SCN3A: variants seen among roughly 807,000 people sequenced by gnomAD.
SCN3A encodes the protein sodium channel protein type 3 subunit alpha.
SCN3A carries 60 observed loss-of-function variants against 187.6 expected under a neutral mutation model. That is an observed-to-expected ratio of 0.32 (90% CI 0.26 to 0.40). SCN3A has a LOEUF of 0.40. Among genes scored for constraint, SCN3A ranks in the 10% least tolerant of loss-of-function variants. SCN3A has a pLI of 1.00. For missense variants in SCN3A, 1,601 were observed against 2,428.2 expected, an observed-to-expected ratio of 0.66 and a Z score of 7.16; for synonymous variants, 788 against 829.2, an observed-to-expected ratio of 0.95 and a Z score of 0.85.
intron 27 of SCN3A, 56 bp from the exon 28 acceptor site, chr2:165,091,401 CT>C: frequency 6.2e-7 from 1 of 1,605,344 alleles, no homozygotes; most frequent in Non-Finnish European, 8.5e-7. Flanking sequence ...TACATGATGG[CT>C]TTATCTTTTT....
In SCN3A at chr2:165,131,234, A is replaced by G. The variant is rs1574168381; in HGVS notation, c.2565+10T>C. On this transcript the variant is annotated intron_variant, in intron 16 of 27. Coordinates refer to ENST00000283254, the MANE Select transcript of SCN3A (RefSeq NM_006922.4). ...GCCAATGAGCGACAGGGATATATATAAATAGATACCAGTCTGAATGATCGC... is the reference window on the plus strand; with the variant it reads ...GCCAATGAGCGACAGGGATATATATGAATAGATACCAGTCTGAATGATCGC... The G allele has an allele frequency of 5.1e-6, 8 of 1,564,536 alleles. No individual in the cohort carries two copies. The East Asian group carries it at 1.8e-4, about 36-fold the overall frequency.
chr2:165,151,119 T>C (rs1448789275), intron 11 of SCN3A, among the ~76,000 whole-genome samples: 1 of 152,152 alleles, frequency 6.6e-6, no homozygotes, highest in African/African-American at 2.4e-5. Context: ...CTGTATCCAA[T>C]GGTAAGATGA....
chr2:165,161,068 G>A (rs1465056551), intron 9 of SCN3A, among the ~76,000 whole-genome samples: 1 of 150,008 alleles, frequency 6.7e-6, no homozygotes, highest in African/African-American at 2.5e-5. Flanking sequence ...GACTACACGT[G>A]TGCATCACAA....
intron 21 of SCN3A, among the ~76,000 whole-genome samples, chr2:165,112,264 A>G (rs1430157226): frequency 6.6e-6 from 1 of 152,218 alleles, no homozygotes; most frequent in East Asian, 1.9e-4. Flanking sequence ...TGTTCCTATG[A>G]CTACTCACCC....
chr2:165,088,977 C>T lies in SCN3A; in HGVS notation c.*1173G>A, dbSNP rs1684956800. 1 of 152,488 alleles carries T rather than the reference C, an allele frequency of 6.6e-6. No homozygotes were observed. Among genetic ancestry groups the T allele is most frequent in the Non-Finnish European group, 1.5e-5 (1 of 67,986 alleles). 9.4% of individuals were successfully genotyped at this position (152,488 alleles called of 1,614,324 possible). A position where few individuals can be genotyped will look rare whatever the true frequency, so the allele number is the denominator to read the frequency against. ...CATAATGGACAGAGCAGGTTGAATT[C>T]ATTCTATCACCAATATGTGACATTC... On this transcript the variant is annotated 3_prime_UTR_variant, in exon 28 of 28. Transcript: ENST00000283254.
intron 9 of SCN3A, among the ~76,000 whole-genome samples, chr2:165,160,941 A>G (rs1297802088): frequency 1.3e-5 from 2 of 151,812 alleles, no homozygotes; most frequent in Non-Finnish European, 2.9e-5. Context: ...GCTCCCAGCC[A>G]TTTTTCAGAG....
intron 18 of SCN3A, among the ~76,000 whole-genome samples, chr2:165,118,882 C>T (rs1199390718): frequency 1.3e-5 from 2 of 152,218 alleles, no homozygotes; most frequent in African/African-American, 4.8e-5. Flanking sequence ...CCTGCCTCAG[C>T]CTCTCTAGTA....
intron 21 of SCN3A, among the ~76,000 whole-genome samples, chr2:165,100,807 T>C (rs1189258035): frequency 6.6e-6 from 1 of 152,232 alleles, no homozygotes. Flanking sequence ...GTTTATGTAA[T>C]ATCTTAGTTA....
intron 3 of SCN3A, among the ~76,000 whole-genome samples, chr2:165,172,119 G>A (rs191585948): frequency 2.0e-5 from 3 of 152,006 alleles, no homozygotes; most frequent in Non-Finnish European, 4.4e-5. Flanking sequence ...TCTGTTCATT[G>A]CTCTTTTGTA....
At position 165,132,318 on chromosome 2, in the gene SCN3A, G is replaced by A. The variant is rs1003964324; in HGVS notation, c.2392-901C>T. Reference sequence around the variant, plus strand: ...ATGGAACCAAAAAAGAGCCTGCATCGCCCAGTCAATCCTAAGCCAAAAGAA... The same window carrying A: ...ATGGAACCAAAAAAGAGCCTGCATCACCCAGTCAATCCTAAGCCAAAAGAA... On this transcript the variant is annotated intron_variant, in intron 15 of 27. Coordinates refer to ENST00000283254, the MANE Select transcript of SCN3A (RefSeq NM_006922.4). Among the ~76,000 whole-genome samples the A allele has an allele frequency of 3.9e-5, 6 of 152,168 alleles. No homozygotes were observed. The South Asian group carries it at 6.2e-4, about 16-fold the overall frequency.
intron 1 of SCN3A, among the ~76,000 whole-genome samples, chr2:165,202,414 T>G (rs940006975): frequency 6.6e-6 from 1 of 152,174 alleles, no homozygotes; most frequent in African/African-American, 2.4e-5. Flanking sequence ...TTTAGTCACC[T>G]GTAGAGAAGC....
intron 21 of SCN3A, among the ~76,000 whole-genome samples, chr2:165,106,187 C>T (rs920480500): frequency 6.6e-6 from 1 of 152,146 alleles, no homozygotes; most frequent in Non-Finnish European, 1.5e-5. Flanking sequence ...AGGAATTTCA[C>T]TTAAACATTC....
intron 21 of SCN3A, among the ~76,000 whole-genome samples, chr2:165,111,597 G>A (rs1686122156): frequency 6.6e-6 from 1 of 151,824 alleles, no homozygotes; most frequent in African/African-American, 2.4e-5. Context: ...AGGGAAAGGA[G>A]CACTGAATTG....
In SCN3A at chr2:165,168,782, C is replaced by T. The variant is rs1689933171; in HGVS notation, c.427G>A (p.Val143Ile). ...LIMCTILTNCVFMTLSNPPDW... is the reference protein window; with the variant it reads ...LIMCTILTNCIFMTLSNPPDW... Reference sequence around the variant, plus strand: ...GGAGGGTTGCTCAAGGTCATAAATACACAGTTGGTCAAAATAGTGCACATG... The same window carrying T: ...GGAGGGTTGCTCAAGGTCATAAATATACAGTTGGTCAAAATAGTGCACATG... The change falls in exon 5 of 28, where the codon GTA (valine) becomes ATA (isoleucine). Residue 143 changes from valine to isoleucine, a missense_variant. Physicochemically the swap from Val to Ile is conservative, Grantham distance 29. Around this residue, in one of 11 missense-constraint regions of SCN3A, gnomAD observed 122 missense variants for 225.1 expected, o/e 0.54. Coordinates refer to ENST00000283254, the MANE Select transcript of SCN3A (RefSeq NM_006922.4). The T allele has an allele frequency of 6.2e-7, 1 of 1,612,530 alleles. No homozygotes were observed. The highest frequency in any genetic ancestry group is 8.5e-7 in the Non-Finnish European group (1 of 1,178,840).
chr2:165,154,503 G>A lies in SCN3A; in HGVS notation c.1329C>T (p.Ala443=), dbSNP rs200595385. 1.3e-4 allele frequency: 217 copies of A among 1,613,920 alleles called. 1 individual carries two copies. The East Asian group carries it at 4.4e-3, about 33-fold the overall frequency. Residue 443 remains alanine, a synonymous_variant, in exon 11 of 28, where the codon GCC becomes GCT. Coordinates refer to ENST00000283254, the MANE Select transcript of SCN3A (RefSeq NM_006922.4). ...GCTGTTCGAGCATCTGCTGAAATTC[G>A]GCCTCTTTTTGTTCTGCTTCTTCCA... The part of the protein sequence containing the change: ...ATLEEAEQKE[A]EFQQMLEQLK...
intron 15 of SCN3A, among the ~76,000 whole-genome samples, chr2:165,135,503 C>A (rs1278997262): frequency 6.6e-6 from 1 of 151,964 alleles, no homozygotes; most frequent in Non-Finnish European, 1.5e-5. Context: ...TTTTAATGAG[C>A]AAATTATAAG....
At chr2:165,120,894 C>A (rs948033566) in intron 18 of SCN3A, among the ~76,000 whole-genome samples, 1 of 151,392 alleles carries the variant, frequency 6.6e-6, no homozygotes, top group Non-Finnish European at 1.5e-5. Flanking sequence ...TGTACAACAT[C>A]CCCGGAGCTT....
Position 165,203,937 on chromosome 2 carries a change from T to G in SCN3A, c.-362A>C, listed in dbSNP as rs1692473001. 7.2e-6 allele frequency: 1 copy of G among 139,818 alleles called. No individual in the cohort carries two copies. The highest frequency in any genetic ancestry group is 2.1e-4 in the East Asian group (1 of 4,766). The allele number at this position is 139,818 out of a possible 1,614,324, so 8.7% of individuals were successfully genotyped here. A position where few individuals can be genotyped will look rare whatever the true frequency, so the allele number is the denominator to read the frequency against. ...CAGCTTTTTTTTTTTTTTTTTTTTT[T>G]GACCACAGAGGTTTACAAATTAGTT... is the stretch of plus-strand genomic sequence containing the variant. On this transcript the variant is annotated 5_prime_UTR_variant, in exon 1 of 28. Coordinates refer to ENST00000283254, the MANE Select transcript of SCN3A (RefSeq NM_006922.4).
chr2:165,155,993 CTGCTATCTG>C (rs1689000680), intron 9 of SCN3A, 90 bp from the exon 10 acceptor site: 2 of 1,491,044 alleles, frequency 1.3e-6, no homozygotes, highest in Admixed American at 3.4e-5. Flanking sequence ...AAACCCAAAG[CTGCTATCTG>C]TGACGAATTA....
Sources: allele counts gnomAD v4.1 joint callset (sites outside exome capture counted in the v4.1 genomes callset), GRCh38; gene constraint gnomAD v4.1.1; regional missense constraint gnomAD v4.1.1; transcripts MANE v1.5; gene names NCBI Gene and HGNC (gene_info 2026-07-23, HGNC 2026-07-21).